DNM3: variants seen among roughly 807,000 people sequenced by gnomAD.
DNM3 encodes dynamin 3.
Under a neutral mutation model 101.6 loss-of-function variants are expected in DNM3, and 47 were observed. The observed-to-expected ratio is 0.46, with a 90% confidence interval of 0.37 to 0.59. DNM3 has a LOEUF of 0.59. Ranked by LOEUF, DNM3 falls within the 20% of genes least tolerant of loss-of-function variation. DNM3 has a pLI of 0.00. For missense variants in DNM3, 849 were observed against 1,085.7 expected (o/e 0.78, Z 3.06); for synonymous variants, 385 against 387.9 (o/e 0.99, Z 0.09).
chr1:172,319,124 A>G (rs1264737917), intron 16 of DNM3, among the ~76,000 whole-genome samples: 2 of 152,326 alleles, frequency 1.3e-5, no homozygotes, highest in East Asian at 3.9e-4. Context: ...CCTGAGAAAA[A>G]CAAGCAATGA....
At chr1:171,938,714 A>G (rs1317199525) in intron 2 of DNM3, among the ~76,000 whole-genome samples, 1 of 152,210 alleles carries the variant, frequency 6.6e-6, no homozygotes, top group Non-Finnish European at 1.5e-5. Flanking sequence ...ATGCAGATAC[A>G]TCATACATAT....
chr1:172,314,452 G>T (rs998704285), intron 16 of DNM3, among the ~76,000 whole-genome samples: 1 of 152,214 alleles, frequency 6.6e-6, no homozygotes, highest in Non-Finnish European at 1.5e-5. Context: ...CACTCAGGAA[G>T]TGCAAGGGGT....
chr1:172,178,265 G>T (rs544272804), intron 14 of DNM3, among the ~76,000 whole-genome samples: 10 of 151,932 alleles, frequency 6.6e-5, no homozygotes, highest in Middle Eastern at 3.4e-3. Context: ...GCTGTAATAA[G>T]AAGAAGAAAA....
At chr1:172,183,686 C>T (rs1345145386) in intron 14 of DNM3, among the ~76,000 whole-genome samples, 1 of 151,650 alleles carries the variant, frequency 6.6e-6, no homozygotes, top group African/African-American at 2.4e-5. Context: ...CTGCAGCCTC[C>T]ACCTCCTGGG....
intron 1 of DNM3, among the ~76,000 whole-genome samples, chr1:171,847,056 A>G (rs1349396954): frequency 6.6e-6 from 1 of 152,200 alleles, no homozygotes; most frequent in African/African-American, 2.4e-5. Context: ...CTTGAGAAAT[A>G]TGGACACATA....
At chr1:172,386,856 C>T (rs2069207057) in intron 18 of DNM3, 1 of 388,358 alleles carries the variant, frequency 2.6e-6, no homozygotes, top group Admixed American at 3.7e-5. Flanking sequence ...GCCAGCAGGC[C>T]CTGTTCTGGT....
chr1:171,980,725 A>G (rs2044726684), intron 2 of DNM3, among the ~76,000 whole-genome samples: 1 of 151,180 alleles, frequency 6.6e-6, no homozygotes, highest in Non-Finnish European at 1.5e-5. Context: ...AAGCATTGTT[A>G]TATCCAAAGT....
intron 16 of DNM3, among the ~76,000 whole-genome samples, chr1:172,316,583 G>A (rs1037113910): frequency 6.6e-6 from 1 of 152,036 alleles, no homozygotes; most frequent in Non-Finnish European, 1.5e-5. Flanking sequence ...GGCAGGGGTT[G>A]CAATCCTAGT....
At chr1:172,071,086 C>CATGTATATATATATATAT (rs1553362024) in intron 11 of DNM3, among the ~76,000 whole-genome samples, 2 of 65,086 alleles carry the variant, frequency 3.1e-5, no homozygotes, top group African/African-American at 1.5e-4. Context: ...CAAGACCCTG[C>CATGTATATATATATATAT]ATATATATAT....
At chr1:172,244,475 C>T (rs1041432500) in intron 14 of DNM3, among the ~76,000 whole-genome samples, 1 of 150,988 alleles carries the variant, frequency 6.6e-6, no homozygotes, top group African/African-American at 2.4e-5. Flanking sequence ...GGCTAATATC[C>T]AGAATCTACA....
At chr1:171,969,742 T>C (rs1016208470) in intron 2 of DNM3, among the ~76,000 whole-genome samples, 1 of 152,160 alleles carries the variant, frequency 6.6e-6, no homozygotes, top group Non-Finnish European at 1.5e-5. Context: ...TAGTTCAGCA[T>C]GTCAAAACAC....
Position 172,401,834 on chromosome 1 carries a change from T to C in DNM3, c.2523-5938T>C, listed in dbSNP as rs151177889. ...TCCATGTGGACAAAATCATGACTGT[T>C]ATAGCATTTTTCTGACTTTAAATAA... On this transcript the variant is annotated intron_variant, in intron 20 of 20. Transcript: ENST00000627582. Among the ~76,000 whole-genome samples the C allele has an allele frequency of 4.0e-3, 613 of 152,314 alleles. 6 individuals are homozygous for C. Among genetic ancestry groups the C allele is most frequent in the African/African-American group, 0.014 (579 of 41,560 alleles).
At chr1:172,413,371 C>T (rs779764700), downstream of DNM3, among the ~76,000 whole-genome samples, 16 of 152,124 alleles carry the variant, frequency 1.1e-4, no homozygotes, top group Non-Finnish European at 1.8e-4. Context: ...GGACTACAGG[C>T]GCCCGCCACC....
intron 2 of DNM3, among the ~76,000 whole-genome samples, chr1:171,961,333 G>A (rs1427653603): frequency 1.3e-5 from 2 of 152,148 alleles, no homozygotes; most frequent in Non-Finnish European, 2.9e-5. Flanking sequence ...CAGCCATGAG[G>A]TCAGCTAGAA....
intron 15 of DNM3, among the ~76,000 whole-genome samples, chr1:172,268,773 T>G (rs1024464891): frequency 3.3e-5 from 5 of 152,208 alleles, no homozygotes. Flanking sequence ...AATTCTTTAT[T>G]GTTTTTCAAA....
In DNM3 at chr1:171,960,089, G is replaced by A. The variant is rs566265881; in HGVS notation, c.236-27567G>A. 3.9e-5 allele frequency among the ~76,000 whole-genome samples: 6 copies of A among 152,270 alleles called. No individual in the cohort carries two copies. In the East Asian group the frequency reaches 5.8e-4, roughly 15 times the overall value. The stretch of plus-strand genomic sequence containing the variant: ...AAAATCAGGAATGAAGACTGGATTA[G>A]GATGGGTTCAAATCCAATGACTGCT... On this transcript the variant is annotated intron_variant, in intron 2 of 20. Coordinates refer to ENST00000627582, the MANE Select transcript of DNM3 (RefSeq NM_015569.5).
chr1:172,414,873 G>A (rs918763065), downstream of DNM3, among the ~76,000 whole-genome samples: 54 of 147,632 alleles, frequency 3.7e-4, no homozygotes, highest in African/African-American at 1.3e-3. Context: ...GTTTGAGACC[G>A]GATTGGCAAC....
At chr1:172,208,885 T>C (rs2060414983) in intron 14 of DNM3, among the ~76,000 whole-genome samples, 1 of 151,752 alleles carries the variant, frequency 6.6e-6, no homozygotes, top group South Asian at 2.1e-4. Context: ...TCAGAAAGAG[T>C]GAGGACTAGG....
intron 7 of DNM3, among the ~76,000 whole-genome samples, chr1:172,039,423 A>G (rs61805855): frequency 0.093 from 14,115 of 151,824 alleles, 914 homozygotes; most frequent in Non-Finnish European, 0.14. Flanking sequence ...GCTTCATCCT[A>G]TATTTCCTCA....
Sources: gnomAD v4.1 joint callset for allele counts (sites outside exome capture counted in the v4.1 genomes callset) on GRCh38, gnomAD v4.1.1 for gene constraint, MANE v1.5 for transcripts, NCBI Gene and HGNC (gene_info 2026-07-23, HGNC 2026-07-21) for gene names.